Variants in ZNF528 observed in about 807,000 individuals in gnomAD.
ZNF528 encodes zinc finger protein 528.
Under a neutral mutation model 13.3 loss-of-function variants are expected in ZNF528, and 9 were observed. The observed-to-expected ratio is 0.67, with a 90% CI of 0.41 to 1.18. The LOEUF (loss-of-function observed/expected upper bound fraction) is 1.18, where lower values mean the gene tolerates loss of function less well. ZNF528 is among the 50% of genes most tolerant of loss of function. ZNF528 has a pLI of 0.01. For missense variants in ZNF528, 858 were observed against 745.4 expected, an observed-to-expected ratio of 1.15 and a Z score of -1.76; for synonymous variants, 264 against 254.3, an observed-to-expected ratio of 1.04 and a Z score of -0.36.
At chr19:52,402,152 C>A in intron 4 of ZNF528, 124 bp downstream of exon 4, 3 of 1,356,870 alleles carry the variant, frequency 2.2e-6, no homozygotes, top group Non-Finnish European at 3.1e-6. Context: ...TTACCCATGG[C>A]TTCTTCCAGT....
rs1187567079 is a variant in ZNF528 at position 52,416,024 on chromosome 19, G to A, written c.1172G>A (p.Gly391Glu). ...TGTAAAGAATGTGACAAGGTCTTTG[G>A]GCGCAAGTGTTTCCTGACCTCTCAT... ...YKCKECDKVF[G>E]RKCFLTSHQR... is the part of the protein sequence containing the mutation. Residue 391 changes from glycine to glutamate, a missense_variant, in exon 7 of 7, where the codon GGG becomes GAG. Transcript: ENST00000360465. 3 of 1,613,958 alleles carry A rather than the reference G, an allele frequency of 1.9e-6. No individual in the cohort carries two copies. The highest frequency in any genetic ancestry group is 1.6e-4 in the Middle Eastern group (1 of 6,082).
At chr19:52,399,139 G>A (rs577466139) in intron 2 of ZNF528, among the ~76,000 whole-genome samples, 3 of 151,938 alleles carry the variant, frequency 2.0e-5, no homozygotes, top group South Asian at 2.1e-4. Context: ...CAGAATCCTA[G>A]GGGAAAATAG....
intron 6 of ZNF528, chr19:52,412,629 G>A (rs1235161501): frequency 6.6e-6 from 1 of 152,202 alleles, no homozygotes; most frequent in Non-Finnish European, 1.5e-5. Flanking sequence ...CCATTCTGAT[G>A]AAGTCTTGAG....
At chr19:52,406,164 T>C in intron 5 of ZNF528, 131 bp downstream of exon 5, 6 of 1,195,392 alleles carry the variant, frequency 5.0e-6, no homozygotes, top group Non-Finnish European at 5.8e-6. Flanking sequence ...ATTGAAAAAC[T>C]GTATTACACT....
At chr19:52,407,842 A>G (rs1013956440) in intron 6 of ZNF528, among the ~76,000 whole-genome samples, 1 of 151,966 alleles carries the variant, frequency 6.6e-6, no homozygotes, top group Admixed American at 6.6e-5. Context: ...CCTCTGGAGT[A>G]GCTGGGATTA....
intron 2 of ZNF528, among the ~76,000 whole-genome samples, chr19:52,401,447 T>C (rs878918595): frequency 1.3e-5 from 2 of 152,222 alleles, no homozygotes; most frequent in African/African-American, 4.8e-5. Context: ...AAATTTCTTT[T>C]GATGTGTAGG....
intron 6 of ZNF528, among the ~76,000 whole-genome samples, chr19:52,410,201 AAAC>A (rs1267147404): frequency 4.6e-5 from 7 of 152,234 alleles, no homozygotes; most frequent in Admixed American, 4.6e-4. Context: ...TTGGGGGACT[AAAC>A]AAAGGGAACA....
chr19:52,402,208 A>G (rs1351940935), intron 4 of ZNF528, among the ~76,000 whole-genome samples, 180 bp downstream of exon 4: 3 of 152,040 alleles, frequency 2.0e-5, no homozygotes, highest in Non-Finnish European at 4.4e-5. Context: ...ACCCATTGAC[A>G]TGAACTTGGG....
Position 52,415,825 on chromosome 19 carries a change from T to G in ZNF528, c.973T>G (p.Tyr325Asp), listed in dbSNP as rs1568431786. ...HQKIHTGEKPYSCNKCGKVFS... is the reference protein window; with the variant it reads ...HQKIHTGEKPDSCNKCGKVFS... Reference sequence around the variant, plus strand: ...AAAAATTCATACTGGAGAGAAACCTTACAGTTGTAATAAATGTGGCAAGGT... The same window carrying G: ...AAAAATTCATACTGGAGAGAAACCTGACAGTTGTAATAAATGTGGCAAGGT... Residue 325 changes from tyrosine to aspartate, a missense_variant, in exon 7 of 7, where the codon TAC (tyrosine) becomes GAC (aspartate). By Grantham distance (160) the Tyr-to-Asp change is radical. Transcript: ENST00000360465. 6.2e-7 allele frequency: 1 copy of G among 1,614,108 alleles called. No individual in the cohort carries two copies. Among genetic ancestry groups the G allele is most frequent in the Admixed American group, 1.7e-5 (1 of 60,016 alleles).
Position 52,415,862 on chromosome 19 carries a change from A to G in ZNF528, c.1010A>G (p.His337Arg), listed in dbSNP as rs376149708. Residue 337 changes from histidine to arginine, a missense_variant, in exon 7 of 7, where the codon CAT (histidine) becomes CGT (arginine). Transcript: ENST00000360465. ...AAATGTGGCAAGGTCTTTAGTCGCC[A>G]TTCATATCTAGCAGAACATCAAACG... ...CNKCGKVFSR[H>R]SYLAEHQTVH... 6.2e-7 allele frequency: 1 copy of G among 1,613,884 alleles called. No homozygotes were observed. Among genetic ancestry groups the G allele is most frequent in the Non-Finnish European group, 8.5e-7 (1 of 1,179,890 alleles).
At position 52,416,776 on chromosome 19, in the gene ZNF528, G is replaced by T; in HGVS notation, c.*37G>T. 1 of 1,548,374 alleles carries T rather than the reference G, an allele frequency of 6.5e-7. No individual in the cohort carries two copies. On this transcript the variant is annotated 3_prime_UTR_variant, in exon 7 of 7. Coordinates refer to ENST00000360465, the MANE Select transcript of ZNF528 (RefSeq NM_032423.3). ...AACTGTATGGCAAAACCATCATCATGAGTTCTAGCATTAATCAACATCAGT... is the reference window on the plus strand; with the variant it reads ...AACTGTATGGCAAAACCATCATCATTAGTTCTAGCATTAATCAACATCAGT...
intron 4 of ZNF528, 45 bp downstream of exon 4, chr19:52,402,073 T>C (rs748359091): frequency 3.1e-6 from 5 of 1,613,788 alleles, no homozygotes; most frequent in Non-Finnish European, 2.5e-6. Context: ...TGTTTCTTCC[T>C]GAAATGCCAG....
rs572588921 is a variant in ZNF528 at position 52,415,076 on chromosome 19, G to T, written c.272-48G>T. 9.7e-5 allele frequency: 156 copies of T among 1,612,026 alleles called. 3 individuals carry two copies. In the South Asian group the frequency reaches 1.6e-3, roughly 17 times the overall value. ...TCTAGACCCTCTGTCAGACACTAAAGATGCCATTATCATGGGTTGAAGTTC... is the reference window on the plus strand; with the variant it reads ...TCTAGACCCTCTGTCAGACACTAAATATGCCATTATCATGGGTTGAAGTTC... On this transcript the variant is annotated intron_variant, in intron 6 of 6. Coordinates refer to ENST00000360465, the MANE Select transcript of ZNF528 (RefSeq NM_032423.3).
At chr19:52,402,275 CG>C (rs1303106117) in intron 4 of ZNF528, among the ~76,000 whole-genome samples, 1 of 152,044 alleles carries the variant, frequency 6.6e-6, no homozygotes, top group Non-Finnish European at 1.5e-5. Flanking sequence ...TGGATGGAGA[CG>C]GGGTGTGGGT....
Position 52,416,001 on chromosome 19 carries a change from T to G in ZNF528, c.1149T>G (p.Cys383Trp). The G allele has an allele frequency of 1.2e-6, 2 of 1,614,100 alleles. No homozygotes were observed. Among genetic ancestry groups the G allele is most frequent in the Non-Finnish European group, 1.7e-6 (2 of 1,180,024 alleles). ...ACACTGGAAGGAAACCTTACAAATG[T>G]AAAGAATGTGACAAGGTCTTTGGGC... ...LIHTGRKPYK[C>W]KECDKVFGRK... The change falls in exon 7 of 7, where the codon TGT becomes TGG. Residue 383 changes from cysteine (C) to tryptophan (W), a missense_variant. Transcript: ENST00000360465.
chr19:52,410,838 G>C (rs1253000948), intron 6 of ZNF528, among the ~76,000 whole-genome samples: 1 of 152,198 alleles, frequency 6.6e-6, no homozygotes, highest in Non-Finnish European at 1.5e-5. Flanking sequence ...GCAGGGTTTG[G>C]TAAAGATGTG....
chr19:52,408,973 C>T (rs2058894651), intron 6 of ZNF528, among the ~76,000 whole-genome samples: 1 of 152,182 alleles, frequency 6.6e-6, no homozygotes, highest in Non-Finnish European at 1.5e-5. Flanking sequence ...GTCTAGAATA[C>T]TAATTAACTT....
At chr19:52,406,124 T>C in intron 5 of ZNF528, 91 bp downstream of exon 5, 2 of 1,433,104 alleles carry the variant, frequency 1.4e-6, no homozygotes, top group African/African-American at 2.8e-5. Context: ...CTGCATTGCT[T>C]GCCTGAGATT....
intron 6 of ZNF528, among the ~76,000 whole-genome samples, chr19:52,410,971 C>T (rs1293336464): frequency 6.6e-6 from 1 of 152,224 alleles, no homozygotes. Context: ...TGGCCGTACA[C>T]TCCTCTCCGT....
Sources: allele counts gnomAD v4.1 joint callset (sites outside exome capture counted in the v4.1 genomes callset), GRCh38; gene constraint gnomAD v4.1.1; transcripts MANE v1.5; gene names NCBI Gene and HGNC (gene_info 2026-07-23, HGNC 2026-07-21).